Variants in GDAP2 observed in about 807,000 individuals in gnomAD.
The protein encoded by GDAP2 is ganglioside-induced differentiation-associated protein 2.
A neutral mutation model predicts 67.0 loss-of-function variants in GDAP2; 51 were observed. The ratio of observed to expected loss-of-function variants is 0.76; its 90% CI spans 0.61 to 0.96. The LOEUF (loss-of-function observed/expected upper bound fraction) is 0.96. GDAP2 is among the 40% of genes least tolerant of loss of function. GDAP2 has a pLI of 0.00. For synonymous variants in GDAP2, 203 were observed against 207.3 expected, an observed-to-expected ratio of 0.98 and a Z score of 0.18; for missense variants, 547 against 588.3, an observed-to-expected ratio of 0.93 and a Z score of 0.73.
chr1:117,888,387 T>C (rs956038355), intron 8 of GDAP2, among the ~76,000 whole-genome samples: 1 of 152,134 alleles, frequency 6.6e-6, no homozygotes, highest in African/African-American at 2.4e-5. Context: ...GACCAGATCA[T>C]ATGGACTGCA....
rs557105797 is a variant in GDAP2 at position 117,875,293 on chromosome 1, C to T, written c.1446+2716G>A. Among the ~76,000 whole-genome samples the T allele has an allele frequency of 4.6e-5, 7 of 152,332 alleles. No individual in the cohort carries two copies. The East Asian group carries it at 7.7e-4, about 17-fold the overall frequency. Reference sequence around the variant, plus strand: ...TGCATCCCAGCCCCTCTGGTTCCAGCGATGGCTCAAAGGGTCCCAGGTACT... The same window carrying T: ...TGCATCCCAGCCCCTCTGGTTCCAGTGATGGCTCAAAGGGTCCCAGGTACT... On this transcript the variant is annotated intron_variant, in intron 13 of 13. Transcript: ENST00000369443.
chr1:117,909,187 T>C (rs1649764119), intron 5 of GDAP2, among the ~76,000 whole-genome samples: 1 of 152,226 alleles, frequency 6.6e-6, no homozygotes, highest in Non-Finnish European at 1.5e-5. Flanking sequence ...GAATGACATC[T>C]AGGACATTAT....
At chr1:117,892,595 C>T (rs1649122520) in intron 8 of GDAP2, among the ~76,000 whole-genome samples, 1 of 151,884 alleles carries the variant, frequency 6.6e-6, no homozygotes, top group African/African-American at 2.4e-5. Context: ...AATAATCGTA[C>T]AAAATATGTC....
intron 3 of GDAP2, among the ~76,000 whole-genome samples, chr1:117,917,436 T>C (rs1170380411): frequency 6.6e-6 from 1 of 152,212 alleles, no homozygotes; most frequent in Non-Finnish European, 1.5e-5. Context: ...GTTGAACACT[T>C]AGGATGTGCT....
intron 6 of GDAP2, among the ~76,000 whole-genome samples, chr1:117,901,496 G>A (rs1047089573): frequency 3.9e-5 from 6 of 152,108 alleles, no homozygotes; most frequent in African/African-American, 1.4e-4. Context: ...TATCTACGAG[G>A]GTTCCAATTT....
intron 13 of GDAP2, chr1:117,877,807 T>G: frequency 7.9e-7 from 1 of 1,260,182 alleles, no homozygotes; most frequent in Non-Finnish European, 1.0e-6. Flanking sequence ...AACGTTTATC[T>G]GGAGAAAATG....
At chr1:117,911,186 T>C (rs1649844296) in intron 5 of GDAP2, among the ~76,000 whole-genome samples, 1 of 152,190 alleles carries the variant, frequency 6.6e-6, no homozygotes, top group Admixed American at 6.5e-5. Context: ...GAAATATATA[T>C]AAAACTCAAG....
At chr1:117,903,226 A>G (rs1649543283) in intron 6 of GDAP2, among the ~76,000 whole-genome samples, 1 of 152,126 alleles carries the variant, frequency 6.6e-6, no homozygotes, top group Non-Finnish European at 1.5e-5. Flanking sequence ...GCAAATAAAG[A>G]TACTTTTACT....
At chr1:117,898,358 T>C (rs1400111931) in intron 7 of GDAP2, among the ~76,000 whole-genome samples, 2 of 152,226 alleles carry the variant, frequency 1.3e-5, no homozygotes, top group African/African-American at 2.4e-5. Flanking sequence ...TTCCCTCCAG[T>C]TGATTAAAGT....
intron 5 of GDAP2, among the ~76,000 whole-genome samples, chr1:117,908,986 C>A (rs1442761311): frequency 2.0e-5 from 3 of 152,170 alleles, no homozygotes; most frequent in Middle Eastern, 6.8e-3. Context: ...AAATTGAATT[C>A]TCTCAGTGGA....
chr1:117,898,624 C>T (rs1649341485), intron 7 of GDAP2, among the ~76,000 whole-genome samples: 1 of 152,188 alleles, frequency 6.6e-6, no homozygotes, highest in Admixed American at 6.5e-5. Flanking sequence ...CACGTTCTAC[C>T]TACTGCTCCA....
chr1:117,884,446 C>A (rs1319054400), intron 10 of GDAP2, among the ~76,000 whole-genome samples: 1 of 152,156 alleles, frequency 6.6e-6, no homozygotes, highest in African/African-American at 2.4e-5. Context: ...GTAAAACAAA[C>A]TGTTTTCCAA....
chr1:117,914,503 G>A lies in GDAP2; in HGVS notation c.317-1820C>T, dbSNP rs1404805053. 3.3e-5 allele frequency among the ~76,000 whole-genome samples: 5 copies of A among 152,016 alleles called. No homozygotes were observed. The East Asian group carries it at 5.8e-4, about 18-fold the overall frequency. Reference sequence around the variant, plus strand: ...TAATAGGATTTCTTCAGAGAGAACAGAGAATACAGAAGGAAGGAAATTATT... The same window carrying A: ...TAATAGGATTTCTTCAGAGAGAACAAAGAATACAGAAGGAAGGAAATTATT... On this transcript the variant is annotated intron_variant, in intron 3 of 13. Transcript: ENST00000369443.
chr1:117,879,640 A>G (rs532082853), intron 12 of GDAP2, among the ~76,000 whole-genome samples: 1 of 152,292 alleles, frequency 6.6e-6, no homozygotes, highest in South Asian at 2.1e-4. Context: ...ATAGGGGATA[A>G]AATAAAAGCA....
At chr1:117,881,966 G>A in intron 11 of GDAP2, 89 bp from the exon 12 acceptor site, 1 of 712,578 alleles carries the variant, frequency 1.4e-6, no homozygotes. Flanking sequence ...ATTTGCCTGA[G>A]TATATAAATA....
chr1:117,927,848 T>C (rs1650506413), intron 1 of GDAP2, among the ~76,000 whole-genome samples: 1 of 152,196 alleles, frequency 6.6e-6, no homozygotes, highest in Non-Finnish European at 1.5e-5. Flanking sequence ...AAATTAGTAG[T>C]ACCCCTTCAT....
intron 10 of GDAP2, among the ~76,000 whole-genome samples, chr1:117,884,724 G>A (rs758959339): frequency 6.6e-6 from 1 of 151,890 alleles, no homozygotes; most frequent in Non-Finnish European, 1.5e-5. Context: ...ACATTATTAT[G>A]AAAATGAGGG....
At chr1:117,917,782 T>C (rs1362316905) in intron 3 of GDAP2, among the ~76,000 whole-genome samples, 3 of 152,232 alleles carry the variant, frequency 2.0e-5, no homozygotes, top group Non-Finnish European at 4.4e-5. Context: ...CATACACACA[T>C]GCCATTAGGA....
chr1:117,904,688 C>T (rs1649599890), intron 6 of GDAP2, among the ~76,000 whole-genome samples: 1 of 152,190 alleles, frequency 6.6e-6, no homozygotes, highest in South Asian at 2.1e-4. Flanking sequence ...ATTTGGCACA[C>T]TGTAGGGTGA....
Sources: gnomAD v4.1 joint callset for allele counts (sites outside exome capture counted in the v4.1 genomes callset) on GRCh38, gnomAD v4.1.1 for gene constraint, MANE v1.5 for transcripts, NCBI Gene and HGNC (gene_info 2026-07-23, HGNC 2026-07-21) for gene names.